DSCAM: variants seen among roughly 807,000 people sequenced by gnomAD.
DSCAM encodes the protein cell adhesion molecule DSCAM.
In DSCAM, 47 loss-of-function variants were observed where a neutral mutation model predicts 217.7. The observed-to-expected ratio is 0.22, with a 90% CI of 0.17 to 0.28. The LOEUF is 0.28. DSCAM is among the 10% of genes least tolerant of loss of function. DSCAM has a pLI of 1.00. For synonymous variants in DSCAM, 1,056 were observed against 1,015.3 expected (o/e 1.04, Z -0.76); for missense variants, 2,080 against 2,618.3 (o/e 0.79, Z 4.49).
chr21:40,653,128 C>T (rs778395976), intron 3 of DSCAM, among the ~76,000 whole-genome samples: 2 of 152,186 alleles, frequency 1.3e-5, no homozygotes, highest in African/African-American at 2.4e-5. Context: ...TTTTCCTTTG[C>T]TGATTTTAAT....
At chr21:40,503,111 C>A (rs10483069) in intron 3 of DSCAM, among the ~76,000 whole-genome samples, 16,339 of 152,160 alleles carry the variant, frequency 0.11, 1,096 homozygotes, top group Non-Finnish European at 0.15. Flanking sequence ...TACTTCCCAA[C>A]GTTACGCATT....
At chr21:40,751,157 C>G (rs551890951) in intron 1 of DSCAM, among the ~76,000 whole-genome samples, 7 of 152,152 alleles carry the variant, frequency 4.6e-5, no homozygotes, top group African/African-American at 1.4e-4. Context: ...CTTCCACCCC[C>G]GCTGACATCC....
intron 1 of DSCAM, among the ~76,000 whole-genome samples, chr21:40,713,192 G>A (rs1282221965): frequency 1.3e-5 from 2 of 152,178 alleles, no homozygotes; most frequent in Admixed American, 6.5e-5. Flanking sequence ...TGAGATCTGA[G>A]GGTCACTCTG....
intron 10 of DSCAM, among the ~76,000 whole-genome samples, chr21:40,279,947 T>C (rs969443287): frequency 4.6e-5 from 7 of 151,726 alleles, no homozygotes; most frequent in Non-Finnish European, 8.8e-5. Flanking sequence ...GAACATCACA[T>C]ACTGGGGCCT....
rs190195279 is a variant in DSCAM, at chr21:40,810,710, G to T, written c.43+35909C>A. ...GAGCCTGAGAGCTCAAGACCAGTCT[G>T]GGAAACATAGCAAGACCCTATCTCT... On this transcript the variant is annotated intron_variant, in intron 1 of 32. Transcript: ENST00000400454. Among the ~76,000 whole-genome samples the T allele has an allele frequency of 1.7e-4, 26 of 152,214 alleles. 1 individual carries two copies. In the East Asian group the frequency reaches 5.0e-3, roughly 29 times the overall value.
In DSCAM at chr21:40,846,635, G is replaced by C; in HGVS notation, c.27C>G (p.Phe9Leu). 7.6e-7 allele frequency: 1 copy of C among 1,320,388 alleles called. No homozygotes were observed. The highest frequency in any genetic ancestry group is 1.7e-5 in the African/African-American group (1 of 59,138). The allele number at this position is 1,320,388 out of a possible 1,614,324, so 81.8% of individuals were successfully genotyped here. ...AAGGCTCACCATTCGCGAAGCTCTGGAACAAGGAGAGAGCCAGTATCCACA... is the reference window on the plus strand; with the variant it reads ...AAGGCTCACCATTCGCGAAGCTCTGCAACAAGGAGAGAGCCAGTATCCACA... MWILALSL[F>L]QSFANVFSED... The change falls in exon 1 of 33, where the codon TTC becomes TTG. Residue 9 changes from phenylalanine (F) to leucine (L), a missense_variant. This residue lies in a region of DSCAM where 568 missense variants were observed against 678.1 expected (regional missense o/e 0.84). Transcript: ENST00000400454.
intron 3 of DSCAM, among the ~76,000 whole-genome samples, chr21:40,545,033 G>A (rs1486537116): frequency 7.2e-5 from 11 of 152,126 alleles, no homozygotes; most frequent in African/African-American, 2.2e-4. Context: ...GGTATTAGGA[G>A]GTAGGACTTT....
At chr21:40,280,589 G>A (rs1045335355) in intron 10 of DSCAM, among the ~76,000 whole-genome samples, 4 of 152,162 alleles carry the variant, frequency 2.6e-5, no homozygotes, top group African/African-American at 4.8e-5. Context: ...GGGATTTAAA[G>A]CATGAGAATT....
chr21:40,231,012 T>C (rs574258061), intron 11 of DSCAM, among the ~76,000 whole-genome samples: 336 of 148,636 alleles, frequency 2.3e-3, no homozygotes, highest in Admixed American at 5.6e-3. Context: ...CGATTATGCT[T>C]TTTTTTTTTT....
chr21:40,251,678 G>A (rs2073306708), intron 11 of DSCAM, among the ~76,000 whole-genome samples: 1 of 152,134 alleles, frequency 6.6e-6, no homozygotes, highest in Admixed American at 6.5e-5. Flanking sequence ...TGATATTCAT[G>A]CCCTTGTGGA....
intron 11 of DSCAM, among the ~76,000 whole-genome samples, chr21:40,201,799 G>T (rs1300978088): frequency 6.6e-6 from 1 of 152,120 alleles, no homozygotes; most frequent in Non-Finnish European, 1.5e-5. Flanking sequence ...TTGATTTCCT[G>T]CCATCAATGA....
At chr21:40,142,505 T>C in intron 18 of DSCAM, 53 bp downstream of exon 18, 3 of 1,602,384 alleles carry the variant, frequency 1.9e-6, no homozygotes, top group Non-Finnish European at 2.6e-6. Flanking sequence ...GTCTGCAAAT[T>C]CCATCATGCA....
intron 3 of DSCAM, among the ~76,000 whole-genome samples, chr21:40,529,693 A>G (rs1425254873): frequency 2.6e-5 from 4 of 152,176 alleles, no homozygotes; most frequent in Non-Finnish European, 5.9e-5. Context: ...AATGTTCCAG[A>G]CGTGACTTTG....
intron 4 of DSCAM, among the ~76,000 whole-genome samples, chr21:40,359,672 C>T (rs1388243338): frequency 6.6e-6 from 1 of 152,176 alleles, no homozygotes; most frequent in East Asian, 1.9e-4. Context: ...CATGTAACAA[C>T]ATGGGTGCTG....
intron 10 of DSCAM, among the ~76,000 whole-genome samples, chr21:40,286,521 C>T (rs1443156521): frequency 1.3e-5 from 2 of 152,220 alleles, no homozygotes; most frequent in African/African-American, 4.8e-5. Context: ...GCCCTATGAA[C>T]GTGCTCCCTA....
At chr21:40,055,868 A>G (rs779441338) in intron 28 of DSCAM, 28 bp from the exon 29 acceptor site, 1 of 1,551,858 alleles carries the variant, frequency 6.4e-7, no homozygotes, top group Non-Finnish European at 8.9e-7. Context: ...TAATGCATTA[A>G]CAAATCCAGT....
Position 40,055,031 on chromosome 21 carries a change from TA to T in DSCAM, c.5035+693del, listed in dbSNP as rs547517640. Among the ~76,000 whole-genome samples, 494 of 152,306 alleles carry T rather than the reference TA, an allele frequency of 3.2e-3. 2 individuals are homozygous for T. Among genetic ancestry groups the T allele is most frequent in the Non-Finnish European group, 4.6e-3 (316 of 68,016 alleles). On this transcript the variant is annotated intron_variant, in intron 29 of 32. Transcript: ENST00000400454. ...AAATATAAGGTATTTCACTCCGGAATAAATAGAATAATCGAGGCAGGCAGTG... is the reference window on the plus strand; with the variant it reads ...AAATATAAGGTATTTCACTCCGGAATAATAGAATAATCGAGGCAGGCAGTG...
intron 1 of DSCAM, among the ~76,000 whole-genome samples, chr21:40,830,397 G>A (rs1028260419): frequency 1.3e-5 from 2 of 152,278 alleles, no homozygotes; most frequent in African/African-American, 4.8e-5. Flanking sequence ...TGATCCAAAC[G>A]TCTCCCACCA....
intron 3 of DSCAM, among the ~76,000 whole-genome samples, chr21:40,482,332 G>C (rs1296737583): frequency 3.3e-5 from 5 of 152,214 alleles, no homozygotes; most frequent in Non-Finnish European, 7.3e-5. Flanking sequence ...AGCTGTGGGA[G>C]AGTATAACTA....
Sources: allele counts gnomAD v4.1 joint callset (sites outside exome capture counted in the v4.1 genomes callset), GRCh38; gene constraint gnomAD v4.1.1; regional missense constraint gnomAD v4.1.1; transcripts MANE v1.5; gene names NCBI Gene and HGNC (gene_info 2026-07-23, HGNC 2026-07-21).